Variants in TASP1 observed in about 807,000 individuals in gnomAD.
TASP1 encodes threonine aspartase 1.
TASP1 carries 16 observed loss-of-function variants against 56.6 expected under a neutral mutation model. That is an observed-to-expected ratio of 0.28 (90% CI 0.19 to 0.43). The LOEUF is 0.43. Among genes scored for constraint, TASP1 ranks in the 20% least tolerant of loss-of-function variants. TASP1 has a pLI of 1.00. For missense variants in TASP1, 393 were observed against 511.6 expected (o/e 0.77, Z 2.24); for synonymous variants, 179 against 184.2 (o/e 0.97, Z 0.23).
the TASP1 span, among the ~76,000 whole-genome samples, chr20:13,312,545 T>C: frequency 9.2e-5 from 14 of 152,320 alleles, no homozygotes; most frequent in East Asian, 1.9e-3. Context: ...CAGCATTTAC[T>C]GGACAGGAGG....
intron 2 of TASP1, 122 bp from the exon 3 acceptor site, chr20:13,625,374 T>A: frequency 1.6e-6 from 1 of 623,724 alleles, no homozygotes; most frequent in Non-Finnish European, 2.6e-6. Context: ...GCCCTAACTG[T>A]ATGGCGTTTT....
Position 13,390,194 on chromosome 20 carries a change from C to T in TASP1, c.*166G>A, listed in dbSNP as rs546168668. 19 of 604,354 alleles carry T rather than the reference C, an allele frequency of 3.1e-5. No homozygotes were observed. The highest frequency in any genetic ancestry group is 2.0e-4 in the Admixed American group (7 of 35,650). The allele number at this position is 604,354 out of a possible 1,614,324, so 37.4% of individuals were successfully genotyped here. A position where few individuals can be genotyped will look rare whatever the true frequency, so the allele number is the denominator to read the frequency against. ...GTCCCGCTCACCCACCAAAGGCCCG[C>T]GTGTCACTAAGCGCTAACTACAGCA... is the stretch of plus-strand genomic sequence containing the variant. On this transcript the variant is annotated 3_prime_UTR_variant, in exon 14 of 14. Coordinates refer to ENST00000337743, the MANE Select transcript of TASP1 (RefSeq NM_017714.3).
At chr20:13,367,064 T>C in the TASP1 span, among the ~76,000 whole-genome samples, 2 of 152,226 alleles carry the variant, frequency 1.3e-5, no homozygotes, top group Non-Finnish European at 2.9e-5. Flanking sequence ...TTCCCCATCA[T>C]CAATGAACTC....
intron 12 of TASP1, among the ~76,000 whole-genome samples, chr20:13,421,971 T>TTTTTTTTTTTTTTTTA (rs2042452993): frequency 1.3e-5 from 2 of 149,984 alleles, no homozygotes; most frequent in African/African-American, 4.9e-5. Flanking sequence ...TTTTTTTTTT[T>TTTTTTTTTTTTTTTTA]GACAGAGTCT....
At chr20:13,320,968 G>C in the TASP1 span, among the ~76,000 whole-genome samples, 4 of 152,066 alleles carry the variant, frequency 2.6e-5, no homozygotes, top group African/African-American at 9.7e-5. Context: ...GGAGGCCGAG[G>C]CTGGTGGATC....
chr20:13,268,114 G>GTCTTGTCTTCTCTTCTCTTCTCTTC, the TASP1 span, among the ~76,000 whole-genome samples: 3 of 140,392 alleles, frequency 2.1e-5, no homozygotes, highest in Admixed American at 1.4e-4. Flanking sequence ...CTCCTCTCCT[G>GTCTTGTCTTCTCTTCTCTTCTCTTC]TCTTCTCTTC....
chr20:13,504,783 G>A (rs1008007773), intron 10 of TASP1, among the ~76,000 whole-genome samples: 1 of 152,054 alleles, frequency 6.6e-6, no homozygotes, highest in Non-Finnish European at 1.5e-5. Context: ...GCTTAAAATA[G>A]ATTTTCATAA....
At chr20:13,478,022 C>A (rs1829366940) in intron 11 of TASP1, among the ~76,000 whole-genome samples, 1 of 152,004 alleles carries the variant, frequency 6.6e-6, no homozygotes, top group South Asian at 2.1e-4. Flanking sequence ...TAAACAAACC[C>A]TACACTTAAG....
the TASP1 span, among the ~76,000 whole-genome samples, chr20:13,271,492 T>C: frequency 6.6e-6 from 1 of 152,186 alleles, no homozygotes; most frequent in Non-Finnish European, 1.5e-5. Context: ...AACACCCTCA[T>C]GAAGGAGACA....
intron 13 of TASP1, among the ~76,000 whole-genome samples, chr20:13,406,494 A>C (rs1174216572): frequency 6.6e-6 from 1 of 152,140 alleles, no homozygotes; most frequent in East Asian, 1.9e-4. Context: ...GCATCCAATA[A>C]AATACTGAAT....
chr20:13,274,737 CA>C, the TASP1 span, among the ~76,000 whole-genome samples: 3 of 148,776 alleles, frequency 2.0e-5, no homozygotes, highest in Admixed American at 6.9e-5. Flanking sequence ...AAAGCCCCAA[CA>C]CCTGCTTCTG....
the TASP1 span, chr20:13,221,689 C>A: frequency 1.1e-5 from 13 of 1,146,630 alleles, no homozygotes; most frequent in East Asian, 3.5e-4. Flanking sequence ...CGCTGCCGGG[C>A]TCCCGGGCTC....
chr20:13,399,197 A>G (rs1483866385), intron 13 of TASP1, among the ~76,000 whole-genome samples: 1 of 152,028 alleles, frequency 6.6e-6, no homozygotes, highest in African/African-American at 2.4e-5. Context: ...TGCTTCCCCA[A>G]CTTATAAGTA....
intron 8 of TASP1, among the ~76,000 whole-genome samples, chr20:13,550,147 T>TACACACACAC (rs149572327): frequency 0.035 from 4,761 of 135,166 alleles, 109 homozygotes; most frequent in Non-Finnish European, 0.051. Context: ...TATATACACA[T>TACACACACAC]ACACACACAC....
At chr20:13,424,281 A>C (rs933095648) in intron 12 of TASP1, among the ~76,000 whole-genome samples, 3 of 152,226 alleles carry the variant, frequency 2.0e-5, no homozygotes, top group African/African-American at 7.2e-5. Context: ...AGTAGTACAA[A>C]GTTTGCTCAA....
chr20:13,638,264 C>A (rs868512238), intron 1 of TASP1, among the ~76,000 whole-genome samples: 3 of 152,124 alleles, frequency 2.0e-5, no homozygotes, highest in Non-Finnish European at 4.4e-5. Context: ...CCCTAACACA[C>A]CTTTCCTTCC....
chr20:13,325,559 A>C, the TASP1 span, among the ~76,000 whole-genome samples: 2 of 152,228 alleles, frequency 1.3e-5, no homozygotes, highest in Non-Finnish European at 2.9e-5. Context: ...ACAGTTACCT[A>C]GTTGTCCCCA....
At chr20:13,251,720 A>G in the TASP1 span, among the ~76,000 whole-genome samples, 1 of 152,218 alleles carries the variant, frequency 6.6e-6, no homozygotes, top group East Asian at 1.9e-4. Context: ...GCCTGCTTTC[A>G]AAAGTCAGGA....
intron 7 of TASP1, among the ~76,000 whole-genome samples, chr20:13,568,244 C>T (rs1665921252): frequency 6.6e-6 from 1 of 152,100 alleles, no homozygotes; most frequent in Non-Finnish European, 1.5e-5. Context: ...AACTCCTAAG[C>T]TCAAAGGATT....
Sources: allele counts gnomAD v4.1 joint callset (sites outside exome capture counted in the v4.1 genomes callset), GRCh38; gene constraint gnomAD v4.1.1; transcripts MANE v1.5; gene names NCBI Gene and HGNC (gene_info 2026-07-23, HGNC 2026-07-21).